The following SLC24A3 variants were observed in gnomAD, a reference collection of about 807,000 sequenced individuals.
The protein encoded by SLC24A3 is sodium/potassium/calcium exchanger 3.
In SLC24A3, 28 loss-of-function variants were observed where a neutral mutation model predicts 75.8. The ratio of observed to expected loss-of-function variants is 0.37; its 90% CI spans 0.27 to 0.51. The LOEUF (loss-of-function observed/expected upper bound fraction) is 0.51, where lower values mean the gene tolerates loss of function less well. Among genes scored for constraint, SLC24A3 ranks in the 20% least tolerant of loss-of-function variants. The pLI is 0.94. For missense variants in SLC24A3, 663 were observed against 847.8 expected, an observed-to-expected ratio of 0.78 and a Z score of 2.71; for synonymous variants, 372 against 334.1, an observed-to-expected ratio of 1.11 and a Z score of -1.24.
chr20:19,341,308 C>A (rs1251455268), intron 2 of SLC24A3, among the ~76,000 whole-genome samples: 1 of 152,152 alleles, frequency 6.6e-6, no homozygotes, highest in Non-Finnish European at 1.5e-5. Flanking sequence ...AATACAGATT[C>A]CTGGGACCTG....
intron 2 of SLC24A3, among the ~76,000 whole-genome samples, chr20:19,361,681 T>C (rs1221846395): frequency 6.6e-6 from 1 of 152,258 alleles, no homozygotes; most frequent in African/African-American, 2.4e-5. Flanking sequence ...TGATATGATA[T>C]GCTTGCTGAA....
chr20:19,592,404 A>G (rs2031391151), intron 6 of SLC24A3, among the ~76,000 whole-genome samples: 1 of 152,226 alleles, frequency 6.6e-6, no homozygotes, highest in African/African-American at 2.4e-5. Context: ...TAGCCAAATC[A>G]ATAGTGGGTA....
chr20:19,667,656 G>A (rs151167345), intron 8 of SLC24A3, among the ~76,000 whole-genome samples: 1 of 152,224 alleles, frequency 6.6e-6, no homozygotes, highest in Non-Finnish European at 1.5e-5. Context: ...GTCAGCCTTA[G>A]AGGGAGCCGT....
chr20:19,344,942 C>T (rs117257339), intron 2 of SLC24A3, among the ~76,000 whole-genome samples: 255 of 152,278 alleles, frequency 1.7e-3, no homozygotes, highest in Non-Finnish European at 3.1e-3. Context: ...AATGTCCGTT[C>T]TCATCATTCT....
intron 2 of SLC24A3, among the ~76,000 whole-genome samples, chr20:19,512,064 T>G (rs959831802): frequency 1.3e-5 from 2 of 152,226 alleles, no homozygotes; most frequent in African/African-American, 4.8e-5. Context: ...CTGCTGACTG[T>G]GCCAGATTGG....
intron 2 of SLC24A3, among the ~76,000 whole-genome samples, chr20:19,284,952 C>G (rs969122663): frequency 5.9e-5 from 9 of 152,158 alleles, no homozygotes; most frequent in South Asian, 2.1e-4. Flanking sequence ...CCTTGACACT[C>G]TCCCATTTCC....
At chr20:19,484,277 A>G (rs941784775) in intron 2 of SLC24A3, among the ~76,000 whole-genome samples, 1 of 152,198 alleles carries the variant, frequency 6.6e-6, no homozygotes, top group Non-Finnish European at 1.5e-5. Flanking sequence ...TATGCACCTT[A>G]TACACGTAGC....
chr20:19,337,509 G>A (rs1010814644), intron 2 of SLC24A3, among the ~76,000 whole-genome samples: 3 of 152,062 alleles, frequency 2.0e-5, no homozygotes, highest in Non-Finnish European at 4.4e-5. Flanking sequence ...ACACATGGTA[G>A]TTCTTCTTGA....
At chr20:19,459,849 G>T (rs1479641809) in intron 2 of SLC24A3, among the ~76,000 whole-genome samples, 1 of 152,142 alleles carries the variant, frequency 6.6e-6, no homozygotes, top group Non-Finnish European at 1.5e-5. Flanking sequence ...GCAAATGGCA[G>T]ACGAGCCTGG....
chr20:19,607,604 T>G (rs1422665114), intron 6 of SLC24A3, among the ~76,000 whole-genome samples: 1 of 152,234 alleles, frequency 6.6e-6, no homozygotes, highest in African/African-American at 2.4e-5. Context: ...AAGCCTCAGC[T>G]TCATGGCCGA....
intron 2 of SLC24A3, among the ~76,000 whole-genome samples, chr20:19,364,707 G>C (rs1985854470): frequency 6.6e-6 from 1 of 152,032 alleles, no homozygotes; most frequent in Non-Finnish European, 1.5e-5. Flanking sequence ...CTCCTGCCTT[G>C]GTCTCCCAAC....
intron 2 of SLC24A3, among the ~76,000 whole-genome samples, chr20:19,294,036 G>A (rs1367918339): frequency 1.3e-5 from 2 of 151,912 alleles, no homozygotes; most frequent in Non-Finnish European, 2.9e-5. Context: ...TCATCTCTAG[G>A]TTGCTTATAA....
At position 19,706,876 on chromosome 20, in the gene SLC24A3, A is replaced by C. The variant is rs1013508697; in HGVS notation, c.1719+8196A>C. 2.6e-5 allele frequency among the ~76,000 whole-genome samples: 4 copies of C among 152,158 alleles called. No homozygotes were observed. In the South Asian group the frequency reaches 6.2e-4, roughly 24 times the overall value. ...ATTAGGATGGTTGTATCTGTTAGCT[A>C]TGGTTACCCTAATGCTAAGTAACAA... On this transcript the variant is annotated intron_variant, in intron 15 of 16. Transcript: ENST00000328041.
At chr20:19,549,559 G>A (rs766940646) in intron 3 of SLC24A3, among the ~76,000 whole-genome samples, 4 of 152,186 alleles carry the variant, frequency 2.6e-5, no homozygotes, top group Non-Finnish European at 4.4e-5. Flanking sequence ...CAAGGCGGGC[G>A]GATCACTTGA....
chr20:19,598,927 C>A (rs2031487127), intron 6 of SLC24A3, among the ~76,000 whole-genome samples: 1 of 152,004 alleles, frequency 6.6e-6, no homozygotes, highest in Non-Finnish European at 1.5e-5. Flanking sequence ...CACACGCACA[C>A]ACACACCTTT....
intron 2 of SLC24A3, among the ~76,000 whole-genome samples, chr20:19,374,440 T>G (rs926966328): frequency 1.3e-5 from 2 of 152,182 alleles, no homozygotes; most frequent in African/African-American, 4.8e-5. Flanking sequence ...GAATACTGAC[T>G]GTTGAATGAG....
intron 14 of SLC24A3, among the ~76,000 whole-genome samples, chr20:19,697,136 G>A (rs2095852630): frequency 6.6e-6 from 1 of 152,000 alleles, no homozygotes; most frequent in Admixed American, 6.5e-5. Context: ...TAATTAACAG[G>A]GTTTGGAAGG....
intron 2 of SLC24A3, among the ~76,000 whole-genome samples, chr20:19,433,251 A>G (rs983864827): frequency 1.2e-4 from 18 of 152,304 alleles, no homozygotes; most frequent in African/African-American, 4.1e-4. Context: ...TAAAACATTT[A>G]TATTTTATTT....
At chr20:19,230,757 G>T (rs1981998754) in intron 1 of SLC24A3, among the ~76,000 whole-genome samples, 1 of 152,062 alleles carries the variant, frequency 6.6e-6, no homozygotes, top group African/African-American at 2.4e-5. Context: ...CCCTTCCACA[G>T]TCCGCATGTC....
Sources: gnomAD v4.1 joint callset for allele counts (sites outside exome capture counted in the v4.1 genomes callset) on GRCh38, gnomAD v4.1.1 for gene constraint, MANE v1.5 for transcripts, NCBI Gene and HGNC (gene_info 2026-07-23, HGNC 2026-07-21) for gene names.